SEPTIN1: variants seen among roughly 807,000 people sequenced by gnomAD.
SEPTIN1 encodes septin-1.
SEPTIN1 carries 52 observed loss-of-function variants against 50.7 expected under a neutral mutation model. That is an observed-to-expected ratio of 1.03 (90% CI 0.82 to 1.29). SEPTIN1 has a LOEUF of 1.29. Among genes scored for constraint, SEPTIN1 ranks in the 50% most tolerant of loss-of-function variants. The pLI is 0.00. For synonymous variants in SEPTIN1, 204 were observed against 189.1 expected (o/e 1.08, Z -0.65); for missense variants, 455 against 490.7 (o/e 0.93, Z 0.69).
rs2151112012 is a variant in SEPTIN1, at chr16:30,382,281, C to T, written c.103G>A (p.Val35Met). 6.2e-7 allele frequency: 1 copy of T among 1,613,680 alleles called. No individual in the cohort carries two copies. The highest frequency in any genetic ancestry group is 1.1e-5 in the South Asian group (1 of 91,064). The change falls in exon 2 of 11, where the codon GTG becomes ATG. Residue 35 changes from valine to methionine, a missense_variant. Val to Met is a conservative substitution (Grantham distance 21). Coordinates refer to ENST00000321367, the MANE Select transcript of SEPTIN1 (RefSeq NM_001365977.2). The surrounding 1 kb of genome is among the most constrained non-coding windows in gnomAD (Gnocchi z 4.8). Reference protein sequence around the residue: ...VKKGFDFTLMVAGESGLGKST... With the variant: ...VKKGFDFTLMMAGESGLGKST... ...CTCTCCAAAACCCCCAGACCTGCCACCATTAGCGTGAAGTCAAACCCCTTC... is the reference window on the plus strand; with the variant it reads ...CTCTCCAAAACCCCCAGACCTGCCATCATTAGCGTGAAGTCAAACCCCTTC...
chr16:30,382,785 C>G (rs1393081901), upstream of SEPTIN1: 11 of 1,535,698 alleles, frequency 7.2e-6, no homozygotes, highest in Admixed American at 2.2e-4. The surrounding 1 kb of genome is among the most constrained non-coding windows in gnomAD (Gnocchi z 4.8). Context: ...CACTGTAGCT[C>G]CATCATCGTG....
chr16:30,381,100 TC>T lies in SEPTIN1; in HGVS notation c.573+26del. ...AAATCAGGTTTGGCTTCACATGGGG[TC>T]AAAGGTCAGAGGTCATCACTCACAC... On this transcript the variant is annotated intron_variant, in intron 6 of 10. Coordinates refer to ENST00000321367, the MANE Select transcript of SEPTIN1 (RefSeq NM_001365977.2). This position sits in a 1 kb window ranked among gnomAD's most constrained non-coding sequence, Gnocchi z 4.3. The T allele has an allele frequency of 1.3e-6, 2 of 1,566,098 alleles. No homozygotes were observed. The highest frequency in any genetic ancestry group is 1.8e-6 in the Non-Finnish European group (2 of 1,136,246).
intron 6 of SEPTIN1, chr16:30,380,850 G>T (rs1397395849): frequency 8.2e-6 from 4 of 489,646 alleles, no homozygotes; most frequent in South Asian, 4.6e-5. Flanking sequence ...CACGGGGTGG[G>T]GGCCAGAGGG....
Position 30,382,501 on chromosome 16 carries a change from A to G in SEPTIN1, c.18+24T>C. On this transcript the variant is annotated intron_variant, in intron 1 of 10. Transcript: ENST00000321367. This position sits in a 1 kb window ranked among gnomAD's most constrained non-coding sequence, Gnocchi z 4.8. ...ATGGGGGCTGGGGGCCGAGATGCCC[A>G]GGTTTCTGGGTGTAAGGACTCACCA... 2 of 1,597,832 alleles carry G rather than the reference A, an allele frequency of 1.3e-6. No individual in the cohort carries two copies. The highest frequency in any genetic ancestry group is 1.7e-6 in the Non-Finnish European group (2 of 1,171,874).
upstream of SEPTIN1, chr16:30,382,730 CG>C (rs1567427008): frequency 6.5e-7 from 1 of 1,536,264 alleles, no homozygotes; most frequent in South Asian, 1.2e-5. The surrounding 1 kb of genome is among the most constrained non-coding windows in gnomAD (Gnocchi z 4.8). Context: ...CACCTGTCTA[CG>C]TACCTTCAAC....
Position 30,380,041 on chromosome 16 carries a change from G to A in SEPTIN1, c.574-8C>T. 1.2e-6 allele frequency: 2 copies of A among 1,607,230 alleles called. No homozygotes were observed. The highest frequency in any genetic ancestry group is 2.7e-5 in the African/African-American group (2 of 74,752). ...CTTCAACTGATCCCGGATCTCAGGG[G>A]AAACAGATATAGAGACAGTGTGAAA... On this transcript the variant is annotated splice_region_variant and splice_polypyrimidine_tract_variant and intron_variant, in intron 6 of 10. Coordinates refer to ENST00000321367, the MANE Select transcript of SEPTIN1 (RefSeq NM_001365977.2).
intron 10 of SEPTIN1, 33 bp downstream of exon 10, chr16:30,378,577 C>A (rs1280965055): frequency 6.2e-7 from 1 of 1,608,906 alleles, no homozygotes; most frequent in East Asian, 2.2e-5. Flanking sequence ...GGACCTGGGG[C>A]ATCGGTCGGG....
rs757189868 is a variant in SEPTIN1 at position 30,381,720 on chromosome 16, T to C, written c.320+40A>G. On this transcript the variant is annotated intron_variant, in intron 4 of 10. Coordinates refer to ENST00000321367, the MANE Select transcript of SEPTIN1 (RefSeq NM_001365977.2). This position sits in a 1 kb window ranked among gnomAD's most constrained non-coding sequence, Gnocchi z 4.3. ...CTGTAACTCTCCAGGGAGTCGCCAC[T>C]GTGAAAGGCTGAGCCTCTGTCCCCT... The C allele has an allele frequency of 3.7e-6, 6 of 1,609,304 alleles. No individual in the cohort carries two copies. In the Admixed American group the frequency reaches 1.0e-4, roughly 27 times the overall value.
chr16:30,378,365 T>C lies in SEPTIN1; in HGVS notation c.*69A>G. ...AGGTCCCGGGGGGCGCTGGGCAGTG[T>C]GGGGCGCGGGGATTGGACAAGAGGC... On this transcript the variant is annotated 3_prime_UTR_variant, in exon 11 of 11. Transcript: ENST00000321367. 2 of 1,407,146 alleles carry C rather than the reference T, an allele frequency of 1.4e-6. No individual in the cohort carries two copies. The highest frequency in any genetic ancestry group is 1.9e-6 in the Non-Finnish European group (2 of 1,055,162). The allele number at this position is 1,407,146 out of a possible 1,614,324, so 87.2% of individuals were successfully genotyped here.
chr16:30,381,755 C>G lies in SEPTIN1; in HGVS notation c.320+5G>C. On this transcript the variant is annotated splice_donor_5th_base_variant and intron_variant, in intron 4 of 10. Coordinates refer to ENST00000321367, the MANE Select transcript of SEPTIN1 (RefSeq NM_001365977.2). This position sits in a 1 kb window ranked among gnomAD's most constrained non-coding sequence, Gnocchi z 4.3. Reference sequence around the variant, plus strand: ...TGAGCCTCTGTCCCCTTTCCTCTTCCTCACCAGTCAGAGCAGTCCACTGAG... The same window carrying G: ...TGAGCCTCTGTCCCCTTTCCTCTTCGTCACCAGTCAGAGCAGTCCACTGAG... 4 of 1,613,858 alleles carry G rather than the reference C, an allele frequency of 2.5e-6. No homozygotes were observed. The highest frequency in any genetic ancestry group is 3.4e-6 in the Non-Finnish European group (4 of 1,179,890).
In SEPTIN1 at chr16:30,378,594, C is replaced by G. The variant is rs377366007; in HGVS notation, c.1032+16G>C. The G allele has an allele frequency of 3.1e-6, 5 of 1,610,234 alleles. No homozygotes were observed. Among genetic ancestry groups the G allele is most frequent in the Non-Finnish European group, 4.2e-6 (5 of 1,179,306 alleles). On this transcript the variant is annotated intron_variant, in intron 10 of 10. Transcript: ENST00000321367. ...ACCTGGGGCATCGGTCGGGGGGAAG[C>G]GAGGTGCGTGCTCACCTCTTCGTCT...
At chr16:30,380,884 T>A in intron 6 of SEPTIN1, 1 of 563,816 alleles carries the variant, frequency 1.8e-6, no homozygotes, top group South Asian at 2.1e-5. Flanking sequence ...CTCATGTCTA[T>A]GCTCCTGCCC....
Position 30,381,850 on chromosome 16 carries a change from C to T in SEPTIN1, c.230G>A (p.Arg77Gln), listed in dbSNP as rs41292380. 1,003 of 1,614,174 alleles carry T rather than the reference C, an allele frequency of 6.2e-4. No homozygotes were observed. The highest frequency in any genetic ancestry group is 8.1e-4 in the Non-Finnish European group (955 of 1,180,026). ...ACCCCCTTCCTCAATCTCTACGCCC[C>T]GGCGCTCAATGGCCAGGGTCTGTGT... ...RLTQTLAIER[R>Q]GVEIEEGGVK... The change falls in exon 4 of 11, where the codon CGG (arginine) becomes CAG (glutamine). Residue 77 changes from arginine (R) to glutamine (Q), a missense_variant. Coordinates refer to ENST00000321367, the MANE Select transcript of SEPTIN1 (RefSeq NM_001365977.2). The surrounding 1 kb of genome is among the most constrained non-coding windows in gnomAD (Gnocchi z 4.3).
intron 7 of SEPTIN1, 107 bp from the exon 8 acceptor site, chr16:30,379,641 T>TTTTTTTTC (rs2049814355): frequency 4.7e-6 from 1 of 214,940 alleles, no homozygotes; most frequent in African/African-American, 2.2e-4. Flanking sequence ...CCCCTTCCTC[T>TTTTTTTTC]TTTTTTTTTT....
rs779107202 is a variant in SEPTIN1, at chr16:30,381,204, C to T, written c.496G>A (p.Glu166Lys). 1.7e-5 allele frequency: 27 copies of T among 1,613,888 alleles called. No individual in the cohort carries two copies. Among genetic ancestry groups the T allele is most frequent in the African/African-American group, 6.7e-5 (5 of 74,848 alleles). ...ATGACTGGGATGATGTTGACTTTCT[C>T]GTGTACTGCCCGGAGGAAGGCCACA... is the stretch of plus-strand genomic sequence containing the variant. ...LDVAFLRAVH[E>K]KVNIIPVIGK... Residue 166 changes from glutamate (E) to lysine (K), a missense_variant, in exon 6 of 11, where the codon GAG (glutamate) becomes AAG (lysine). Physicochemically the swap from Glu to Lys is moderately conservative, Grantham distance 56 (BLOSUM62 1). Coordinates refer to ENST00000321367, the MANE Select transcript of SEPTIN1 (RefSeq NM_001365977.2). The surrounding 1 kb of genome is among the most constrained non-coding windows in gnomAD (Gnocchi z 4.3).
At position 30,378,589 on chromosome 16, in the gene SEPTIN1, G is replaced by T. The variant is rs370036422; in HGVS notation, c.1032+21C>A. ...GGGGGACCTGGGGCATCGGTCGGGG[G>T]GAAGCGAGGTGCGTGCTCACCTCTT... On this transcript the variant is annotated intron_variant, in intron 10 of 10. Transcript: ENST00000321367. 8 of 1,610,676 alleles carry T rather than the reference G, an allele frequency of 5.0e-6. No homozygotes were observed. The African/African-American group carries it at 1.1e-4, about 22-fold the overall frequency.
chr16:30,378,945 A>G (rs2049797073), intron 9 of SEPTIN1, 73 bp downstream of exon 9: 13 of 1,471,898 alleles, frequency 8.8e-6, no homozygotes, highest in Admixed American at 3.8e-5. Flanking sequence ...GGTGGTGGGG[A>G]CGAGTCCTCA....
Position 30,382,377 on chromosome 16 carries a change from G to C in SEPTIN1, c.19-12C>G. The C allele has an allele frequency of 6.9e-6, 11 of 1,603,564 alleles. No homozygotes were observed. The highest frequency in any genetic ancestry group is 9.4e-6 in the Non-Finnish European group (11 of 1,173,220). On this transcript the variant is annotated splice_polypyrimidine_tract_variant and intron_variant, in intron 1 of 10. Coordinates refer to ENST00000321367, the MANE Select transcript of SEPTIN1 (RefSeq NM_001365977.2). This position sits in a 1 kb window ranked among gnomAD's most constrained non-coding sequence, Gnocchi z 4.8. ...ACGTACTCCTTGTCCTATGGATGGGGGTGGACAATATGAGGCTGCTGGCAA... is the reference window on the plus strand; with the variant it reads ...ACGTACTCCTTGTCCTATGGATGGGCGTGGACAATATGAGGCTGCTGGCAA...
chr16:30,380,173 G>C, intron 6 of SEPTIN1, 140 bp from the exon 7 acceptor site: 1 of 576,186 alleles, frequency 1.7e-6, no homozygotes, highest in Non-Finnish European at 2.8e-6. Context: ...GGGAGAGATG[G>C]ACATACAGGA....
Sources: gnomAD v4.1 joint callset for allele counts on GRCh38, gnomAD v4.1.1 for gene constraint, Gnocchi (gnomAD v3.1) non-coding constraint, MANE v1.5 for transcripts, NCBI Gene and HGNC (gene_info 2026-07-23, HGNC 2026-07-21) for gene names.